Variants in PPP2R5D observed in about 807,000 individuals in gnomAD.
PPP2R5D encodes the protein protein phosphatase 2 regulatory subunit B'delta.
PPP2R5D carries 12 observed loss-of-function variants against 79.1 expected under a neutral mutation model. The observed-to-expected ratio is 0.15, with a 90% CI of 0.10 to 0.25. PPP2R5D has a LOEUF of 0.25. Among genes scored for constraint, PPP2R5D ranks in the 10% least tolerant of loss-of-function variants. The pLI is 1.00. For synonymous variants in PPP2R5D, 277 were observed against 286.6 expected, an observed-to-expected ratio of 0.97 and a Z score of 0.34; for missense variants, 419 against 760.2, an observed-to-expected ratio of 0.55 and a Z score of 5.28.
chr6:43,010,584 C>A lies in PPP2R5D; in HGVS notation c.1481+15C>A, dbSNP rs765644421. 6.8e-6 allele frequency: 11 copies of A among 1,613,140 alleles called. No homozygotes were observed. The highest frequency in any genetic ancestry group is 6.7e-5 in the East Asian group (3 of 44,880). ...GAGAAGCAGAAGTGAGTATCTCTCT[C>A]CCCGGGAGACTTTCATCTTCTACCA... On this transcript the variant is annotated intron_variant, in intron 13 of 15. Transcript: ENST00000485511. This position sits in a 1 kb window ranked among gnomAD's most constrained non-coding sequence, Gnocchi z 4.7.
chr6:42,995,027 A>G (rs926531304), intron 2 of PPP2R5D, among the ~76,000 whole-genome samples: 3 of 151,632 alleles, frequency 2.0e-5, no homozygotes, highest in Non-Finnish European at 2.9e-5. Context: ...ACAAGTTAAA[A>G]TCCAAACTCA....
At position 43,006,334 on chromosome 6, in the gene PPP2R5D, C is replaced by T; in HGVS notation, c.106-129C>T. 6.9e-7 allele frequency: 1 copy of T among 1,449,216 alleles called. No individual in the cohort carries two copies. Among genetic ancestry groups the T allele is most frequent in the African/African-American group, 1.4e-5 (1 of 70,222 alleles). The allele number at this position is 1,449,216 out of a possible 1,614,324, so 89.8% of individuals were successfully genotyped here. A position where few individuals can be genotyped will look rare whatever the true frequency, so the allele number is the denominator to read the frequency against. ...TATCTCTGTAACCCTGGCCTTAGCT[C>T]CTTCGGGGCAGGAGACAGCTGCTCA... On this transcript the variant is annotated intron_variant, in intron 2 of 15. Transcript: ENST00000485511. This position sits in a 1 kb window ranked among gnomAD's most constrained non-coding sequence, Gnocchi z 4.7.
chr6:42,995,903 C>T (rs1771636142), intron 2 of PPP2R5D, among the ~76,000 whole-genome samples: 1 of 151,326 alleles, frequency 6.6e-6, no homozygotes, highest in Non-Finnish European at 1.5e-5. Flanking sequence ...CACTGTCGCC[C>T]AGGCTGGAGT....
intron 2 of PPP2R5D, among the ~76,000 whole-genome samples, chr6:42,995,899 C>A (rs1417240420): frequency 1.3e-5 from 2 of 150,454 alleles, no homozygotes; most frequent in Non-Finnish European, 3.0e-5. Flanking sequence ...GTCTCACTGT[C>A]GCCCAGGCTG....
At chr6:42,988,498 G>A (rs547982818) in intron 1 of PPP2R5D, among the ~76,000 whole-genome samples, 40 of 152,338 alleles carry the variant, frequency 2.6e-4, no homozygotes, top group African/African-American at 8.9e-4. Flanking sequence ...ATATGGACAA[G>A]TTGCATCCAA....
At chr6:42,984,725 C>A (rs202203459) in intron 1 of PPP2R5D, 21 bp downstream of exon 1, 4 of 1,611,630 alleles carry the variant, frequency 2.5e-6, no homozygotes, top group Non-Finnish European at 3.4e-6. Flanking sequence ...CCCTTTTTCC[C>A]CCACCGCCGC....
Position 43,009,200 on chromosome 6 carries a change from C to A in PPP2R5D, c.1224C>A (p.Ala408=). The A allele has an allele frequency of 6.2e-7, 1 of 1,614,126 alleles. No individual in the cohort carries two copies. Among genetic ancestry groups the A allele is most frequent in the South Asian group, 1.1e-5 (1 of 91,078 alleles). The part of the protein sequence containing the change: ...KVMEPLFRQL[A]KCVSSPHFQV... ...TGGAACCCCTCTTCCGCCAGCTGGC[C>A]AAGTGTGTCTCTAGCCCCCATTTCC... Residue 408 remains alanine (A), a synonymous_variant, in exon 11 of 16, where the codon GCC becomes GCA. Coordinates refer to ENST00000485511, the MANE Select transcript of PPP2R5D (RefSeq NM_006245.4). This position sits in a 1 kb window ranked among gnomAD's most constrained non-coding sequence, Gnocchi z 5.6.
In PPP2R5D at chr6:43,008,216, G is replaced by A. The variant is rs145452516; in HGVS notation, c.873G>A (p.Thr291=). 2.5e-6 allele frequency: 4 copies of A among 1,614,046 alleles called. No homozygotes were observed. The highest frequency in any genetic ancestry group is 2.7e-5 in the African/African-American group (2 of 74,918). The change falls in exon 8 of 16, where the codon ACG becomes ACA. Residue 291 remains threonine, a synonymous_variant. Coordinates refer to ENST00000485511, the MANE Select transcript of PPP2R5D (RefSeq NM_006245.4). This position sits in a 1 kb window ranked among gnomAD's most constrained non-coding sequence, Gnocchi z 4.2. ...NHIFYRFIYE[T]EHHNGIAELL... is the part of the protein sequence containing the mutation. ...CTTCCCTCAGGTTCATCTACGAGAC[G>A]GAGCATCACAACGGGATTGCTGAGC...
At chr6:43,004,104 C>T (rs186327086) in intron 2 of PPP2R5D, among the ~76,000 whole-genome samples, 3 of 151,040 alleles carry the variant, frequency 2.0e-5, no homozygotes, top group African/African-American at 7.3e-5. Context: ...CTCACTGCAA[C>T]GTCCGCCTCC....
At position 43,010,933 on chromosome 6, in the gene PPP2R5D, C is replaced by CA; in HGVS notation, c.1608dup (p.Glu537ArgfsTer6). On this transcript the variant is annotated frameshift_variant, in exon 15 of 16. Coordinates refer to ENST00000485511, the MANE Select transcript of PPP2R5D (RefSeq NM_006245.4). LOFTEE classifies it high-confidence loss of function. The surrounding 1 kb of genome is among the most constrained non-coding windows in gnomAD (Gnocchi z 4.7). Reference sequence around the variant, plus strand: ...CTGCCCCCTGTGTACTCGATGGAGACAGAGACCCCCACAGCTGAGGACATC... The same window carrying CA: ...CTGCCCCCTGTGTACTCGATGGAGACAAGAGACCCCCACAGCTGAGGACATC... The CA allele has an allele frequency of 1.2e-6, 2 of 1,614,144 alleles. No homozygotes were observed.
chr6:43,005,290 A>G (rs1049996499), intron 2 of PPP2R5D, among the ~76,000 whole-genome samples: 1 of 151,334 alleles, frequency 6.6e-6, no homozygotes, highest in Non-Finnish European at 1.5e-5. Context: ...AAATTTGAAA[A>G]TTTTTATCTT....
intron 2 of PPP2R5D, among the ~76,000 whole-genome samples, chr6:43,002,227 G>T (rs565438237): frequency 2.0e-4 from 30 of 150,750 alleles, no homozygotes; most frequent in African/African-American, 7.1e-4. Flanking sequence ...GCAATGGCAT[G>T]ATCTCAGCTC....
At chr6:42,995,752 G>A (rs189064819) in intron 2 of PPP2R5D, among the ~76,000 whole-genome samples, 144 of 150,086 alleles carry the variant, frequency 9.6e-4, no homozygotes, top group Admixed American at 3.5e-3. Flanking sequence ...GTCTCACTGT[G>A]TTCCCCAGGC....
At position 42,990,790 on chromosome 6, in the gene PPP2R5D, A is replaced by G. The variant is rs963809651; in HGVS notation, c.105+1102A>G. On this transcript the variant is annotated intron_variant, in intron 2 of 15. Coordinates refer to ENST00000485511, the MANE Select transcript of PPP2R5D (RefSeq NM_006245.4). ...AATGGTACGATCTCGGCTCACTGCA[A>G]CCTCCACCTCCCGGGTTCAAGCAAT... Among the ~76,000 whole-genome samples, 5 of 133,298 alleles carry G rather than the reference A, an allele frequency of 3.8e-5. No homozygotes were observed. In the Admixed American group the frequency reaches 4.4e-4, roughly 12 times the overall value. The allele number at this position is 133,298 out of a possible 152,430, so 87.4% of individuals were successfully genotyped here.
chr6:43,006,802 C>T lies in PPP2R5D; in HGVS notation c.323-109C>T. The T allele has an allele frequency of 6.4e-7, 1 of 1,569,260 alleles. No homozygotes were observed. The highest frequency in any genetic ancestry group is 8.7e-7 in the Non-Finnish European group (1 of 1,149,818). ...TTCCAGAGAATGCGGGAAGGGGGTG[C>T]CAGGGAGCAGGATGGTGGCAGGGTG... On this transcript the variant is annotated intron_variant, in intron 3 of 15. Transcript: ENST00000485511. The surrounding 1 kb of genome is among the most constrained non-coding windows in gnomAD (Gnocchi z 4.7).
chr6:43,007,816 C>A lies in PPP2R5D; in HGVS notation c.727-119C>A. The stretch of plus-strand genomic sequence containing the variant: ...ATAATAGAATCACTGCTTTCTAAGA[C>A]TTGCTGGCCCCCACTCCAGGGGACC... On this transcript the variant is annotated intron_variant, in intron 6 of 15. Coordinates refer to ENST00000485511, the MANE Select transcript of PPP2R5D (RefSeq NM_006245.4). The surrounding 1 kb of genome is among the most constrained non-coding windows in gnomAD (Gnocchi z 4.5). 1 of 1,309,026 alleles carries A rather than the reference C, an allele frequency of 7.6e-7. No individual in the cohort carries two copies. The highest frequency in any genetic ancestry group is 1.1e-6 in the Non-Finnish European group (1 of 929,402). 81.1% of individuals were successfully genotyped at this position (1,309,026 alleles called of 1,614,324 possible).
intron 2 of PPP2R5D, among the ~76,000 whole-genome samples, chr6:42,993,950 T>C (rs911811414): frequency 1.3e-5 from 2 of 152,230 alleles, no homozygotes; most frequent in African/African-American, 4.8e-5. Context: ...TCATTTAACC[T>C]TCACAATACT....
chr6:43,011,094 T>C, intron 15 of PPP2R5D, 55 bp from the exon 16 acceptor site: 1 of 1,612,730 alleles, frequency 6.2e-7, no homozygotes. Context: ...GACGGAACAA[T>C]AGAATTCACT....
chr6:42,985,885 C>T (rs1182984551), intron 1 of PPP2R5D, among the ~76,000 whole-genome samples: 2 of 150,646 alleles, frequency 1.3e-5, no homozygotes, highest in African/African-American at 2.5e-5. Flanking sequence ...TCAAGCGATT[C>T]TCCTGCCTCA....
Sources: allele counts gnomAD v4.1 joint callset (sites outside exome capture counted in the v4.1 genomes callset), GRCh38; gene constraint gnomAD v4.1.1; non-coding constraint Gnocchi (gnomAD v3.1); transcripts MANE v1.5; gene names NCBI Gene and HGNC (gene_info 2026-07-23, HGNC 2026-07-21).